Variants in CACNA2D3 observed in about 807,000 individuals in gnomAD.
CACNA2D3 encodes the protein voltage-dependent calcium channel subunit alpha-2/delta-3.
A neutral mutation model predicts 160.6 loss-of-function variants in CACNA2D3; 60 were observed. That is an observed-to-expected ratio of 0.37 (90% CI 0.30 to 0.46). The LOEUF (loss-of-function observed/expected upper bound fraction) is 0.46, where lower values mean the gene tolerates loss of function less well. Among genes scored for constraint, CACNA2D3 ranks in the 20% least tolerant of loss-of-function variants. CACNA2D3 has a pLI of 1.00. For synonymous variants in CACNA2D3, 558 were observed against 492.9 expected (o/e 1.13, Z -1.75); for missense variants, 1,205 against 1,365.0 (o/e 0.88, Z 1.85).
At chr3:54,344,654 G>C (rs546632784) in intron 3 of CACNA2D3, among the ~76,000 whole-genome samples, 1 of 152,132 alleles carries the variant, frequency 6.6e-6, no homozygotes, top group African/African-American at 2.4e-5. Flanking sequence ...TAGAAATTGA[G>C]TCTCCTCTTG....
chr3:54,385,615 T>C (rs1175831392), intron 3 of CACNA2D3, among the ~76,000 whole-genome samples: 1 of 152,204 alleles, frequency 6.6e-6, no homozygotes. Flanking sequence ...AAGTGGGCTT[T>C]GGTACTCTAC....
At chr3:54,319,519 A>T (rs138686729) in intron 2 of CACNA2D3, among the ~76,000 whole-genome samples, 1 of 152,300 alleles carries the variant, frequency 6.6e-6, no homozygotes, top group African/African-American at 2.4e-5. Context: ...AATAAATGTG[A>T]TGGATTCATG....
chr3:54,952,557 A>G (rs1211853091), intron 27 of CACNA2D3, among the ~76,000 whole-genome samples: 1 of 152,240 alleles, frequency 6.6e-6, no homozygotes, highest in African/African-American at 2.4e-5. Context: ...AATCTTTTCT[A>G]TAGGGACAGG....
At chr3:54,203,064 C>T (rs949626500) in intron 2 of CACNA2D3, among the ~76,000 whole-genome samples, 4 of 152,118 alleles carry the variant, frequency 2.6e-5, no homozygotes, top group African/African-American at 7.2e-5. Flanking sequence ...CATGTCAGCC[C>T]GACTGGCCAC....
At chr3:54,168,800 T>A (rs139358781) in intron 2 of CACNA2D3, among the ~76,000 whole-genome samples, 1 of 152,116 alleles carries the variant, frequency 6.6e-6, no homozygotes, top group Non-Finnish European at 1.5e-5. Flanking sequence ...GTCCAAAAGC[T>A]CAGCCAAGCC....
intron 2 of CACNA2D3, among the ~76,000 whole-genome samples, chr3:54,318,808 C>T (rs1018678946): frequency 1.3e-5 from 2 of 151,388 alleles, no homozygotes; most frequent in South Asian, 4.2e-4. Flanking sequence ...AATCCTTCCA[C>T]TTCAGCTCAC....
At chr3:54,720,130 T>A (rs1432263899) in intron 11 of CACNA2D3, among the ~76,000 whole-genome samples, 1 of 151,952 alleles carries the variant, frequency 6.6e-6, no homozygotes, top group South Asian at 2.1e-4. Context: ...TGTCATCGAT[T>A]TCTATTCTTA....
chr3:54,449,641 G>C (rs1700275047), intron 4 of CACNA2D3, among the ~76,000 whole-genome samples: 1 of 152,122 alleles, frequency 6.6e-6, no homozygotes, highest in Admixed American at 6.5e-5. Context: ...TGGTGCTGTT[G>C]TTGAGATAGT....
chr3:54,583,392 T>G (rs1268458417), intron 9 of CACNA2D3, among the ~76,000 whole-genome samples: 1 of 152,196 alleles, frequency 6.6e-6, no homozygotes, highest in Non-Finnish European at 1.5e-5. Flanking sequence ...GGAATACTTT[T>G]GAATATAAAA....
chr3:54,938,905 G>A (rs979323411), intron 27 of CACNA2D3, among the ~76,000 whole-genome samples: 6 of 152,038 alleles, frequency 3.9e-5, no homozygotes, highest in Admixed American at 1.3e-4. Context: ...ATGCTGTCCC[G>A]CTGAAGCTGT....
intron 9 of CACNA2D3, among the ~76,000 whole-genome samples, chr3:54,584,633 A>G (rs1575361103): frequency 6.6e-6 from 1 of 152,226 alleles, no homozygotes. Flanking sequence ...TATTGTCTGG[A>G]AACTCCCCCA....
In CACNA2D3 at chr3:54,265,646, GTATA is replaced by G. The variant is rs575779175; in HGVS notation, c.205-54789_205-54786del. ...TATATAGTGTGTATATATATAGTGT[GTATA>G]TATATAGTGTATATATATAGTGTGT... On this transcript the variant is annotated intron_variant, in intron 2 of 37. Coordinates refer to ENST00000474759, the MANE Select transcript of CACNA2D3 (RefSeq NM_018398.3). Among the ~76,000 whole-genome samples the G allele has an allele frequency of 3.6e-3, 528 of 146,848 alleles. 4 individuals carry two copies. Among genetic ancestry groups the G allele is most frequent in the African/African-American group, 0.013 (500 of 39,410 alleles).
At chr3:54,949,584 G>A (rs368274073) in intron 27 of CACNA2D3, among the ~76,000 whole-genome samples, 4 of 152,274 alleles carry the variant, frequency 2.6e-5, no homozygotes, top group African/African-American at 9.6e-5. Context: ...TACCCAAGGG[G>A]CAGCACTGGA....
At chr3:54,898,280 T>G (rs1406002034) in intron 26 of CACNA2D3, among the ~76,000 whole-genome samples, 1 of 150,796 alleles carries the variant, frequency 6.6e-6, no homozygotes, top group Non-Finnish European at 1.5e-5. Flanking sequence ...TGGAGTGCAG[T>G]GGCATGATCT....
At chr3:54,606,670 C>T (rs1007340024) in intron 9 of CACNA2D3, among the ~76,000 whole-genome samples, 5 of 152,164 alleles carry the variant, frequency 3.3e-5, no homozygotes, top group Non-Finnish European at 5.9e-5. Context: ...GAGGCTCCCG[C>T]TCGCTCCATT....
chr3:54,826,165 A>T (rs1268873219), intron 14 of CACNA2D3, among the ~76,000 whole-genome samples: 1 of 152,168 alleles, frequency 6.6e-6, no homozygotes, highest in African/African-American at 2.4e-5. Flanking sequence ...CAGCTGCCTG[A>T]TGCTTTTTCC....
chr3:54,283,158 G>C (rs1241500797), intron 2 of CACNA2D3, among the ~76,000 whole-genome samples: 1 of 152,220 alleles, frequency 6.6e-6, no homozygotes, highest in Non-Finnish European at 1.5e-5. Context: ...TTAGTGAGAA[G>C]TAATGTTGTC....
intron 2 of CACNA2D3, among the ~76,000 whole-genome samples, chr3:54,270,182 A>G (rs1702593661): frequency 6.6e-6 from 1 of 152,202 alleles, no homozygotes; most frequent in Non-Finnish European, 1.5e-5. Context: ...TAGCAAACTT[A>G]TCTAGGTGCT....
intron 9 of CACNA2D3, among the ~76,000 whole-genome samples, chr3:54,589,855 A>C (rs1702827575): frequency 6.6e-6 from 1 of 152,222 alleles, no homozygotes; most frequent in Non-Finnish European, 1.5e-5. Flanking sequence ...GTTAGATATC[A>C]CTATACCTAT....
Sources: gnomAD v4.1 joint callset for allele counts (sites outside exome capture counted in the v4.1 genomes callset) on GRCh38, gnomAD v4.1.1 for gene constraint, MANE v1.5 for transcripts, NCBI Gene and HGNC (gene_info 2026-07-23, HGNC 2026-07-21) for gene names.